The following NRDE2 variants were observed in gnomAD, a reference collection of about 807,000 sequenced individuals.
NRDE2 encodes nuclear exosome regulator NRDE2.
A neutral mutation model predicts 124.2 loss-of-function variants in NRDE2; 76 were observed. The observed-to-expected ratio is 0.61, with a 90% CI of 0.51 to 0.74. The LOEUF (loss-of-function observed/expected upper bound fraction) is 0.74, where lower values mean the gene tolerates loss of function less well. Ranked by LOEUF, NRDE2 falls within the 30% of genes least tolerant of loss-of-function variation. The pLI is 0.00. For missense variants in NRDE2, 1,314 were observed against 1,417.3 expected, an observed-to-expected ratio of 0.93 and a Z score of 1.17; for synonymous variants, 489 against 528.1, an observed-to-expected ratio of 0.93 and a Z score of 1.01.
At position 90,331,915 on chromosome 14, in the gene NRDE2, C is replaced by G; in HGVS notation, c.-11G>C. ...TGGGAACAGCGCCATGACCACAGGC[C>G]GTACCTCCGTTCTTCTCTATAGGGA... On this transcript the variant is annotated 5_prime_UTR_variant, in exon 1 of 14. Coordinates refer to ENST00000354366, the MANE Select transcript of NRDE2 (RefSeq NM_017970.4). 2 of 1,614,080 alleles carry G rather than the reference C, an allele frequency of 1.2e-6. No individual in the cohort carries two copies. The highest frequency in any genetic ancestry group is 1.7e-6 in the Non-Finnish European group (2 of 1,180,038).
At chr14:90,306,831 A>T (rs1256517449) in intron 4 of NRDE2, among the ~76,000 whole-genome samples, 1 of 151,908 alleles carries the variant, frequency 6.6e-6, no homozygotes, top group Non-Finnish European at 1.5e-5. Context: ...AAATAGCACT[A>T]ATGTAGTTCT....
intron 11 of NRDE2, 108 bp from the exon 12 acceptor site, chr14:90,286,600 A>AGTTCTCCCCT: frequency 7.2e-7 from 1 of 1,390,802 alleles, no homozygotes; most frequent in Non-Finnish European, 9.7e-7. Context: ...CAGATCAGAC[A>AGTTCTCCCCT]GACTCAGGGG....
chr14:90,288,787 G>C lies in NRDE2; in HGVS notation c.2588C>G (p.Thr863Ser). 6.2e-7 allele frequency: 1 copy of C among 1,614,192 alleles called. No individual in the cohort carries two copies. The highest frequency in any genetic ancestry group is 8.5e-7 in the Non-Finnish European group (1 of 1,180,048). ...AATGTGAACAGCCAACACCTGTCCA[G>C]TGTAGGGCCCATAGGGGCTGCTCTC... ...LTESSPYGPY[T>S]GQVLAVHILK... is the part of the protein sequence containing the mutation. The change falls in exon 11 of 14, where the codon ACT (threonine) becomes AGT (serine). Residue 863 changes from threonine (T) to serine (S), a missense_variant. Physicochemically the swap from Thr to Ser is moderately conservative, Grantham distance 58 (BLOSUM62 1). Transcript: ENST00000354366.
intron 1 of NRDE2, among the ~76,000 whole-genome samples, chr14:90,320,265 C>A (rs1885195003): frequency 6.6e-6 from 1 of 152,158 alleles, no homozygotes; most frequent in Non-Finnish European, 1.5e-5. Flanking sequence ...CTGGGGAGGC[C>A]TCAGGAAACT....
intron 8 of NRDE2, among the ~76,000 whole-genome samples, chr14:90,296,913 C>T (rs150582961): frequency 2.6e-5 from 4 of 151,914 alleles, no homozygotes; most frequent in African/African-American, 7.2e-5. Flanking sequence ...TAGAGGTGGG[C>T]GGATTACTTG....
intron 3 of NRDE2, among the ~76,000 whole-genome samples, chr14:90,313,119 A>ACT (rs1255397544): frequency 1.4e-4 from 14 of 102,264 alleles, no homozygotes; most frequent in African/African-American, 5.1e-4. Context: ...TCTCAGCCTC[A>ACT]TTTTTTTTTT....
Position 90,272,485 on chromosome 14 carries a change from A to G in NRDE2, c.*5851T>C, listed in dbSNP as rs1310948963. The G allele has an allele frequency of 2.9e-6, 3 of 1,030,230 alleles. No individual in the cohort carries two copies. Among genetic ancestry groups the G allele is most frequent in the Non-Finnish European group, 4.2e-6 (3 of 716,932 alleles). The allele number at this position is 1,030,230 out of a possible 1,614,324, so 63.8% of individuals were successfully genotyped here. On this transcript the variant is annotated 3_prime_UTR_variant, in exon 14 of 14. Coordinates refer to ENST00000354366, the MANE Select transcript of NRDE2 (RefSeq NM_017970.4). This position sits in a 1 kb window ranked among gnomAD's most constrained non-coding sequence, Gnocchi z 4.5. ...AGGGATGAGGTTGGGGGAGTTGCCC[A>G]GAGGAATCCCTGTTCCCACTGATTT...
Position 90,268,467 on chromosome 14 carries a change from CTT to C in NRDE2, c.*9867_*9868del. 1.3e-6 allele frequency: 2 copies of C among 1,556,662 alleles called. No individual in the cohort carries two copies. The highest frequency in any genetic ancestry group is 1.8e-6 in the Non-Finnish European group (2 of 1,135,930). On this transcript the variant is annotated 3_prime_UTR_variant, in exon 14 of 14. Coordinates refer to ENST00000354366, the MANE Select transcript of NRDE2 (RefSeq NM_017970.4). ...GTTTAGTAGGGAACACCGCATAGCT[CTT>C]CTCTTGAGAATGAGCAATCTCAGGG...
chr14:90,296,186 C>G (rs1884140860), intron 8 of NRDE2, among the ~76,000 whole-genome samples: 1 of 152,190 alleles, frequency 6.6e-6, no homozygotes, highest in Non-Finnish European at 1.5e-5. Context: ...AACAAAAAAA[C>G]TAAGCCTAAA....
At position 90,288,512 on chromosome 14, in the gene NRDE2, T is replaced by C. The variant is rs372516369; in HGVS notation, c.2863A>G (p.Thr955Ala). ...AGTGTGATGGCTTCGAGAACACTGGTCCAACTCTGGGAGCTGGCACTGTCC... is the reference window on the plus strand; with the variant it reads ...AGTGTGATGGCTTCGAGAACACTGGCCCAACTCTGGGAGCTGGCACTGTCC... ...EGDSASSQSW[T>A]SVLEAITLMH... Residue 955 changes from threonine (T) to alanine (A), a missense_variant, in exon 11 of 14, where the codon ACC becomes GCC. Physicochemically the swap from Thr to Ala is moderately conservative, Grantham distance 58. Coordinates refer to ENST00000354366, the MANE Select transcript of NRDE2 (RefSeq NM_017970.4). 1.2e-5 allele frequency: 20 copies of C among 1,614,004 alleles called. No homozygotes were observed. In the African/African-American group the frequency reaches 2.4e-4, roughly 19 times the overall value.
intron 3 of NRDE2, among the ~76,000 whole-genome samples, chr14:90,316,103 A>G (rs1375253960): frequency 6.6e-6 from 1 of 152,182 alleles, no homozygotes; most frequent in Non-Finnish European, 1.5e-5. Flanking sequence ...AAGAAAAGGA[A>G]AAGGACAAAT....
At position 90,278,446 on chromosome 14, in the gene NRDE2, C is replaced by A. The variant is rs776488985; in HGVS notation, c.3385G>T (p.Ala1129Ser). 5 of 1,613,976 alleles carry A rather than the reference C, an allele frequency of 3.1e-6. No individual in the cohort carries two copies. The highest frequency in any genetic ancestry group is 1.7e-6 in the Non-Finnish European group (2 of 1,179,978). The change falls in exon 14 of 14, where the codon GCC becomes TCC. Residue 1129 changes from alanine (A) to serine (S), a missense_variant. Transcript: ENST00000354366. Reference protein sequence around the residue: ...CPWAKVLYLDAVEYFPDEMQE... With the variant: ...CPWAKVLYLDSVEYFPDEMQE... Reference sequence around the variant, plus strand: ...ATCTCATCGGGGAAATACTCCACGGCGTCCAGGTACAACACCTAGGGGGCA... The same window carrying A: ...ATCTCATCGGGGAAATACTCCACGGAGTCCAGGTACAACACCTAGGGGGCA...
chr14:90,325,829 T>C (rs571906080), intron 1 of NRDE2, among the ~76,000 whole-genome samples: 1 of 152,228 alleles, frequency 6.6e-6, no homozygotes, highest in African/African-American at 2.4e-5. Context: ...GCCCAGCCCT[T>C]GGCCTAACTT....
intron 4 of NRDE2, among the ~76,000 whole-genome samples, chr14:90,310,970 T>C (rs1461359735): frequency 1.3e-5 from 2 of 152,160 alleles, no homozygotes; most frequent in Non-Finnish European, 2.9e-5. Flanking sequence ...CCATTGACAG[T>C]AGGTAGATTA....
intron 11 of NRDE2, 59 bp from the exon 12 acceptor site, chr14:90,286,551 G>T: frequency 4.4e-6 from 7 of 1,576,574 alleles, no homozygotes; most frequent in Non-Finnish European, 6.0e-6. Context: ...CATCACAGAA[G>T]GAAGAGATGC....
In NRDE2 at chr14:90,277,073, G is replaced by A. The variant is rs1448134918; in HGVS notation, c.*1263C>T. 1 of 152,216 alleles carries A rather than the reference G, an allele frequency of 6.6e-6. No individual in the cohort carries two copies. The highest frequency in any genetic ancestry group is 2.1e-4 in the South Asian group (1 of 4,830). The allele number at this position is 152,216 out of a possible 1,614,324, so 9.4% of individuals were successfully genotyped here. A position where few individuals can be genotyped will look rare whatever the true frequency, so the allele number is the denominator to read the frequency against. Reference sequence around the variant, plus strand: ...TGTTTCTGTGAAAAGGCATCAAGGGGAGCAGCTGACGACCTGTCTGTCGCT... The same window carrying A: ...TGTTTCTGTGAAAAGGCATCAAGGGAAGCAGCTGACGACCTGTCTGTCGCT... On this transcript the variant is annotated 3_prime_UTR_variant, in exon 14 of 14. Transcript: ENST00000354366.
intron 7 of NRDE2, among the ~76,000 whole-genome samples, chr14:90,300,960 G>T (rs1884377566): frequency 6.9e-6 from 1 of 145,466 alleles, no homozygotes; most frequent in Admixed American, 6.9e-5. Context: ...AGGCAGGGTG[G>T]GAGGGTGAGT....
chr14:90,301,356 CT>C lies in NRDE2; in HGVS notation c.1427del (p.Gln476ArgfsTer32). On this transcript the variant is annotated frameshift_variant, in exon 7 of 14. Transcript: ENST00000354366. LOFTEE classifies it high-confidence loss of function. ...GGCCAGCCTGCCGCAGAAAGTGGCA[CT>C]GCTGAAGAAAGAGTGCTGCGAACAG... ...EEAMFALFLQ[Q>X]CHFLRQAGHS... The C allele has an allele frequency of 6.2e-7, 1 of 1,613,880 alleles. No homozygotes were observed. The highest frequency in any genetic ancestry group is 8.5e-7 in the Non-Finnish European group (1 of 1,179,926).
chr14:90,293,697 G>A (rs1892335981), intron 8 of NRDE2, among the ~76,000 whole-genome samples: 1 of 152,196 alleles, frequency 6.6e-6, no homozygotes, highest in South Asian at 2.1e-4. Context: ...GCCAGGGACC[G>A]TATAATTAAT....
Sources: allele counts gnomAD v4.1 joint callset (sites outside exome capture counted in the v4.1 genomes callset), GRCh38; gene constraint gnomAD v4.1.1; non-coding constraint Gnocchi (gnomAD v3.1); transcripts MANE v1.5; gene names NCBI Gene and HGNC (gene_info 2026-07-23, HGNC 2026-07-21).